The following KIDINS220 variants were observed in gnomAD, a reference collection of about 807,000 sequenced individuals.
KIDINS220 encodes kinase D interacting substrate 220, also known as kinase D-interacting substrate of 220 kDa.
KIDINS220 carries 63 observed loss-of-function variants against 157.6 expected under a neutral mutation model. The observed-to-expected ratio is 0.40, with a 90% CI of 0.33 to 0.49. KIDINS220 has a LOEUF of 0.49. Among genes scored for constraint, KIDINS220 ranks in the 20% least tolerant of loss-of-function variants. The probability of loss-of-function intolerance (pLI) is 0.66; values close to 1 mark genes in which losing one functional copy is unlikely to be tolerated. For synonymous variants in KIDINS220, 732 were observed against 783.6 expected (o/e 0.93, Z 1.10); for missense variants, 1,772 against 2,171.2 (o/e 0.82, Z 3.65).
chr2:8,798,578 T>C (rs1227936259), intron 9 of KIDINS220, among the ~76,000 whole-genome samples: 2 of 152,216 alleles, frequency 1.3e-5, no homozygotes, highest in African/African-American at 4.8e-5. Flanking sequence ...CACACTGGGT[T>C]AGGAGTCATC....
chr2:8,749,291 C>T (rs1400465844), intron 24 of KIDINS220: 1 of 384,046 alleles, frequency 2.6e-6, no homozygotes, highest in South Asian at 2.0e-5. Context: ...AGGCACTAGG[C>T]TTCTATGACT....
chr2:8,798,897 C>T (rs550702055), intron 9 of KIDINS220, among the ~76,000 whole-genome samples: 6 of 152,254 alleles, frequency 3.9e-5, no homozygotes, highest in African/African-American at 9.6e-5. Context: ...GACTCACAGA[C>T]GCAAGGAAGT....
At position 8,729,535 on chromosome 2, in the gene KIDINS220, C is replaced by T. The variant is rs747181332; in HGVS notation, c.*1185G>A. Reference sequence around the variant, plus strand: ...CTTCAATGTGACCATTCTCTTAACTCGGCTAATAATTAATGGAAAGTACAC... The same window carrying T: ...CTTCAATGTGACCATTCTCTTAACTTGGCTAATAATTAATGGAAAGTACAC... On this transcript the variant is annotated 3_prime_UTR_variant, in exon 30 of 30. Coordinates refer to ENST00000256707, the MANE Select transcript of KIDINS220 (RefSeq NM_020738.4). 9 of 981,918 alleles carry T rather than the reference C, an allele frequency of 9.2e-6. No individual in the cohort carries two copies. Among genetic ancestry groups the T allele is most frequent in the South Asian group, 4.7e-5 (1 of 21,218 alleles). 60.8% of individuals were successfully genotyped at this position (981,918 alleles called of 1,614,324 possible).
In KIDINS220 at chr2:8,776,566, AT is replaced by A. The variant is rs1347497302; in HGVS notation, c.2848+181del. ...TGGTATACAGCCGACAGTTGATAAT[AT>A]CAGTTGACTTTTCATTGTCAAAACT... On this transcript the variant is annotated intron_variant, in intron 21 of 29. Transcript: ENST00000256707. Among the ~76,000 whole-genome samples the A allele has an allele frequency of 3.9e-5, 6 of 152,368 alleles. 1 individual carries two copies. In the South Asian group the frequency reaches 8.3e-4, roughly 21 times the overall value.
In KIDINS220 at chr2:8,790,039, C is replaced by T. The variant is rs770692330; in HGVS notation, c.1462G>A (p.Gly488Arg). The T allele has an allele frequency of 1.0e-5, 16 of 1,592,208 alleles. No individual in the cohort carries two copies. The highest frequency in any genetic ancestry group is 4.5e-5 in the East Asian group (2 of 44,664). ...KLEDEMKTFA[G>R]QQIEPLFQFS... is the part of the protein sequence containing the mutation. ...TGAAAGAGAGGCTCAATCTGTTGTCCGGCGAAGGTTTTCATTTCGTCTGAA... is the reference window on the plus strand; with the variant it reads ...TGAAAGAGAGGCTCAATCTGTTGTCTGGCGAAGGTTTTCATTTCGTCTGAA... Residue 488 changes from glycine to arginine, a missense_variant, in exon 14 of 30, where the codon GGA becomes AGA. Coordinates refer to ENST00000256707, the MANE Select transcript of KIDINS220 (RefSeq NM_020738.4).
intron 2 of KIDINS220, among the ~76,000 whole-genome samples, chr2:8,820,534 C>G (rs545543138): frequency 6.6e-6 from 1 of 152,190 alleles, no homozygotes; most frequent in African/African-American, 2.4e-5. Context: ...GATTTAAACA[C>G]GAACGCTGGT....
chr2:8,799,859 T>C (rs1279939710), intron 9 of KIDINS220, among the ~76,000 whole-genome samples: 2 of 152,210 alleles, frequency 1.3e-5, no homozygotes, highest in Non-Finnish European at 2.9e-5. Context: ...AATTCACAAC[T>C]GTGGGCAAGG....
intron 22 of KIDINS220, among the ~76,000 whole-genome samples, chr2:8,766,170 C>CAAGGGAGCTGATG: frequency 6.7e-6 from 1 of 150,168 alleles, no homozygotes; most frequent in East Asian, 2.0e-4. Context: ...ATGAACCCCA[C>CAAGGGAGCTGATG]TGGTGACCCG....
chr2:8,797,758 G>A (rs1386208643), intron 10 of KIDINS220, among the ~76,000 whole-genome samples: 1 of 152,182 alleles, frequency 6.6e-6, no homozygotes, highest in Non-Finnish European at 1.5e-5. Flanking sequence ...CACAATTTGA[G>A]TAAAACAGTT....
chr2:8,832,629 C>T (rs576103259), intron 1 of KIDINS220, among the ~76,000 whole-genome samples: 16 of 152,128 alleles, frequency 1.1e-4, no homozygotes, highest in African/African-American at 3.4e-4. Flanking sequence ...TTTGCCTTCA[C>T]GCGTCTTTGT....
intron 24 of KIDINS220, chr2:8,749,458 A>G: frequency 2.2e-6 from 1 of 454,798 alleles, no homozygotes; most frequent in Non-Finnish European, 4.4e-6. Flanking sequence ...CATTAAAGTG[A>G]GAATATAGCT....
At chr2:8,748,430 A>C (rs1362855085) in intron 24 of KIDINS220, among the ~76,000 whole-genome samples, 2 of 152,224 alleles carry the variant, frequency 1.3e-5, no homozygotes, top group Non-Finnish European at 2.9e-5. Context: ...AAAGTCTGGA[A>C]TATATGAAAA....
chr2:8,829,697 T>C (rs899010794), intron 1 of KIDINS220, among the ~76,000 whole-genome samples: 1 of 152,136 alleles, frequency 6.6e-6, no homozygotes, highest in Non-Finnish European at 1.5e-5. Context: ...TTTTAAATAC[T>C]GGAAATAAAA....
At position 8,729,031 on chromosome 2, in the gene KIDINS220, G is replaced by A. The variant is rs571407547; in HGVS notation, c.*1689C>T. On this transcript the variant is annotated 3_prime_UTR_variant, in exon 30 of 30. Coordinates refer to ENST00000256707, the MANE Select transcript of KIDINS220 (RefSeq NM_020738.4). ...AGAATGTACTCCAATGATATTACGCGGCAACTACTCACCTGAAAAAGAAAA... is the reference window on the plus strand; with the variant it reads ...AGAATGTACTCCAATGATATTACGCAGCAACTACTCACCTGAAAAAGAAAA... 4.4e-5 allele frequency: 43 copies of A among 981,882 alleles called. No individual in the cohort carries two copies. The South Asian group carries it at 8.0e-4, about 18-fold the overall frequency. The allele number at this position is 981,882 out of a possible 1,614,324, so 60.8% of individuals were successfully genotyped here.
At chr2:8,769,860 TG>T (rs1669949040) in intron 22 of KIDINS220, among the ~76,000 whole-genome samples, 1 of 152,166 alleles carries the variant, frequency 6.6e-6, no homozygotes, top group Admixed American at 6.5e-5. Flanking sequence ...CTGCATCTAC[TG>T]GAACACCTAC....
In KIDINS220 at chr2:8,763,679, T is replaced by C. The variant is rs112951605; in HGVS notation, c.3011+6991A>G. On this transcript the variant is annotated intron_variant, in intron 22 of 29. Coordinates refer to ENST00000256707, the MANE Select transcript of KIDINS220 (RefSeq NM_020738.4). ...ACAGAACTGGAGTCATCTAAGTACA[T>C]GGCCTTTTAAAAACAATTCTGACAA... Among the ~76,000 whole-genome samples, 187 of 152,328 alleles carry C rather than the reference T, an allele frequency of 1.2e-3. 4 individuals carry two copies. In the East Asian group the frequency reaches 0.028, roughly 23 times the overall value.
chr2:8,813,262 C>T lies in KIDINS220; in HGVS notation c.380G>A (p.Gly127Asp), dbSNP rs1288161266. The stretch of plus-strand genomic sequence containing the variant: ...CAGACCAGTGACACTTGGATTGGCA[C>T]CATGAGAAAGAAGCAACTCTACTAC... ...TDVVELLLSH[G>D]ANPSVTGLYS... Residue 127 changes from glycine (G) to aspartate (D), a missense_variant, in exon 5 of 30, where the codon GGT becomes GAT. Coordinates refer to ENST00000256707, the MANE Select transcript of KIDINS220 (RefSeq NM_020738.4). 6.2e-7 allele frequency: 1 copy of T among 1,613,154 alleles called. No homozygotes were observed. Among genetic ancestry groups the T allele is most frequent in the Admixed American group, 1.7e-5 (1 of 59,848 alleles).
intron 1 of KIDINS220, among the ~76,000 whole-genome samples, chr2:8,837,190 C>A (rs1328142500): frequency 1.3e-5 from 2 of 152,190 alleles, no homozygotes; most frequent in African/African-American, 4.8e-5. Context: ...ACACCCTTCA[C>A]CCCAACCCAC....
rs560446189 is a variant in KIDINS220, at chr2:8,778,492, C to T, written c.2703+147G>A. 19 of 691,364 alleles carry T rather than the reference C, an allele frequency of 2.7e-5. No homozygotes were observed. In the South Asian group the frequency reaches 3.2e-4, roughly 12 times the overall value. The allele number at this position is 691,364 out of a possible 1,614,324, so 42.8% of individuals were successfully genotyped here. A position where few individuals can be genotyped will look rare whatever the true frequency, so the allele number is the denominator to read the frequency against. The stretch of plus-strand genomic sequence containing the variant: ...CTAGGTGCAGACATTCCCTGAAACA[C>T]ATGAAGCTGAAAGGAAATTCAATGA... On this transcript the variant is annotated intron_variant, in intron 20 of 29. Transcript: ENST00000256707.
Sources: gnomAD v4.1 joint callset for allele counts (sites outside exome capture counted in the v4.1 genomes callset) on GRCh38, gnomAD v4.1.1 for gene constraint, MANE v1.5 for transcripts, NCBI Gene and HGNC (gene_info 2026-07-23, HGNC 2026-07-21) for gene names.